Variants in TMEM132D observed in about 807,000 individuals in gnomAD.
TMEM132D encodes transmembrane protein 132D.
In TMEM132D, 21 loss-of-function variants were observed where a neutral mutation model predicts 62.3. That is an observed-to-expected ratio of 0.34 (90% CI 0.24 to 0.49). The LOEUF is 0.49. TMEM132D is among the 20% of genes least tolerant of loss of function. TMEM132D has a pLI of 0.99. For missense variants in TMEM132D, 1,346 were observed against 1,402.8 expected (o/e 0.96, Z 0.65); for synonymous variants, 621 against 575.6 (o/e 1.08, Z -1.13).
intron 5 of TMEM132D, among the ~76,000 whole-genome samples, chr12:129,112,766 T>A (rs1219174229): frequency 6.6e-6 from 1 of 152,178 alleles, no homozygotes; most frequent in Non-Finnish European, 1.5e-5. Flanking sequence ...GGGGCTGACA[T>A]ATTGGTCTGC....
At chr12:129,189,121 G>A (rs1229946326) in intron 5 of TMEM132D, among the ~76,000 whole-genome samples, 1 of 151,730 alleles carries the variant, frequency 6.6e-6, no homozygotes, top group African/African-American at 2.4e-5. Flanking sequence ...AAGTGCGTCT[G>A]GCCTTCAGGT....
At chr12:129,336,644 C>T (rs2135656404) in intron 4 of TMEM132D, among the ~76,000 whole-genome samples, 1 of 152,226 alleles carries the variant, frequency 6.6e-6, no homozygotes, top group Middle Eastern at 3.4e-3. Context: ...GTTTCAGAGG[C>T]TGTTGAAGGA....
At chr12:129,325,393 G>T (rs924829041) in intron 4 of TMEM132D, among the ~76,000 whole-genome samples, 1 of 152,166 alleles carries the variant, frequency 6.6e-6, no homozygotes, top group Non-Finnish European at 1.5e-5. Context: ...GATTTTGTGC[G>T]CCATGATCTG....
intron 1 of TMEM132D, among the ~76,000 whole-genome samples, chr12:129,883,385 AAATT>A (rs1482120173): frequency 2.6e-5 from 4 of 152,192 alleles, no homozygotes; most frequent in African/African-American, 9.7e-5. Context: ...AAACCTAAAT[AAATT>A]GTCAGACATA....
intron 5 of TMEM132D, among the ~76,000 whole-genome samples, chr12:129,175,469 TA>T (rs1465184399): frequency 2.1e-4 from 32 of 152,316 alleles, no homozygotes; most frequent in African/African-American, 7.5e-4. Flanking sequence ...GAAAAGGTTG[TA>T]AGAGAAAATT....
chr12:129,540,486 CT>C (rs570157180), intron 2 of TMEM132D, among the ~76,000 whole-genome samples: 373 of 145,994 alleles, frequency 2.6e-3, no homozygotes, highest in Middle Eastern at 7.1e-3. Flanking sequence ...ATTCAACAAA[CT>C]TTTTTTTTTT....
intron 1 of TMEM132D, among the ~76,000 whole-genome samples, chr12:129,754,753 T>C (rs556389752): frequency 2.6e-5 from 4 of 152,304 alleles, no homozygotes; most frequent in African/African-American, 9.6e-5. Flanking sequence ...ATTAAGGCAG[T>C]TAAAAGAAAG....
At position 129,760,660 on chromosome 12, in the gene TMEM132D, CTTTTTT is replaced by C. The variant is rs1344559886; in HGVS notation, c.80-59968_80-59963del. Among the ~76,000 whole-genome samples, 2,237 of 133,890 alleles carry C rather than the reference CTTTTTT, an allele frequency of 0.017. 105 individuals carry two copies. The East Asian group carries it at 0.18, about 11-fold the overall frequency. 87.8% of individuals were successfully genotyped at this position (133,890 alleles called of 152,430 possible). A position where few individuals can be genotyped will look rare whatever the true frequency, so the allele number is the denominator to read the frequency against. ...CTGCGCCCGGACTTTTTTTTTTTTT[CTTTTTT>C]TAAGTTCTGGGATACATGTGCAGAA... is the stretch of plus-strand genomic sequence containing the variant. On this transcript the variant is annotated intron_variant, in intron 1 of 8. Transcript: ENST00000422113.
chr12:129,875,849 C>T (rs895163332), intron 1 of TMEM132D, among the ~76,000 whole-genome samples: 16 of 152,166 alleles, frequency 1.1e-4, no homozygotes, highest in South Asian at 6.2e-4. Context: ...GAAAACAACA[C>T]CAACAAAATT....
intron 3 of TMEM132D, among the ~76,000 whole-genome samples, chr12:129,471,789 ATG>A (rs1181407379): frequency 6.6e-6 from 1 of 152,244 alleles, no homozygotes; most frequent in Non-Finnish European, 1.5e-5. Flanking sequence ...AATGATAAGA[ATG>A]TGAAACAACC....
intron 3 of TMEM132D, among the ~76,000 whole-genome samples, chr12:129,495,828 G>C (rs1233424020): frequency 3.9e-5 from 6 of 152,198 alleles, no homozygotes; most frequent in Admixed American, 3.9e-4. Flanking sequence ...GGTTCCTGGA[G>C]GGGAGGGCTG....
At chr12:129,443,072 C>A (rs1458542575) in intron 3 of TMEM132D, among the ~76,000 whole-genome samples, 3 of 152,122 alleles carry the variant, frequency 2.0e-5, no homozygotes, top group Non-Finnish European at 4.4e-5. Flanking sequence ...AGGGCCAGCC[C>A]ACTCCAGAGC....
At chr12:129,209,699 TC>T in intron 4 of TMEM132D, 36 bp from the exon 5 acceptor site, 7 of 1,611,368 alleles carry the variant, frequency 4.3e-6, no homozygotes, top group Non-Finnish European at 5.9e-6. Flanking sequence ...TCACATCCCC[TC>T]CTGAGACGGC....
intron 2 of TMEM132D, among the ~76,000 whole-genome samples, chr12:129,615,219 T>A (rs1223957988): frequency 6.6e-6 from 1 of 152,062 alleles, no homozygotes; most frequent in Non-Finnish European, 1.5e-5. Context: ...CAGGGAAATG[T>A]GGATTTTGTC....
chr12:129,225,989 C>T (rs542123582), intron 4 of TMEM132D, among the ~76,000 whole-genome samples: 1 of 152,272 alleles, frequency 6.6e-6, no homozygotes, highest in African/African-American at 2.4e-5. Flanking sequence ...TGGTGCTCAG[C>T]CAATGAACAA....
chr12:129,105,992 C>T (rs994680028), intron 5 of TMEM132D, among the ~76,000 whole-genome samples: 6 of 151,648 alleles, frequency 4.0e-5, no homozygotes, highest in Non-Finnish European at 7.3e-5. Context: ...GCACTATTCA[C>T]GATAGCAAAG....
chr12:129,427,020 G>A (rs1412284029), intron 3 of TMEM132D, among the ~76,000 whole-genome samples: 1 of 152,176 alleles, frequency 6.6e-6, no homozygotes, highest in African/African-American at 2.4e-5. Context: ...TATAAGACAG[G>A]GGCAGTGGAG....
intron 2 of TMEM132D, among the ~76,000 whole-genome samples, chr12:129,675,619 G>C (rs1046859631): frequency 2.6e-5 from 4 of 152,188 alleles, no homozygotes; most frequent in African/African-American, 7.2e-5. Context: ...AGAAGGAAAA[G>C]TTTCCTCAGG....
chr12:129,847,338 C>CT (rs1873394786), intron 1 of TMEM132D, among the ~76,000 whole-genome samples: 1 of 152,182 alleles, frequency 6.6e-6, no homozygotes, highest in Non-Finnish European at 1.5e-5. Flanking sequence ...ATTCCCCAGC[C>CT]TTTTGTCTGC....
Sources: gnomAD v4.1 joint callset for allele counts (sites outside exome capture counted in the v4.1 genomes callset) on GRCh38, gnomAD v4.1.1 for gene constraint, MANE v1.5 for transcripts, NCBI Gene and HGNC (gene_info 2026-07-23, HGNC 2026-07-21) for gene names.